Variants in NRG3 observed in about 807,000 individuals in gnomAD.
The protein encoded by NRG3 is pro-neuregulin-3, membrane-bound isoform.
Under a neutral mutation model 66.9 loss-of-function variants are expected in NRG3, and 31 were observed. The observed-to-expected ratio is 0.46, with a 90% confidence interval of 0.35 to 0.63. NRG3 has a LOEUF of 0.63. Ranked by LOEUF, NRG3 falls within the 20% of genes least tolerant of loss-of-function variation. The pLI is 0.00. For missense variants in NRG3, 910 were observed against 878.9 expected, an observed-to-expected ratio of 1.04 and a Z score of -0.45; for synonymous variants, 393 against 359.4, an observed-to-expected ratio of 1.09 and a Z score of -1.06.
intron 1 of NRG3, among the ~76,000 whole-genome samples, chr10:82,152,459 T>C (rs1440257141): frequency 1.3e-5 from 2 of 152,164 alleles, no homozygotes; most frequent in African/African-American, 4.8e-5. Flanking sequence ...AGCAAATTGA[T>C]GACAGATCTG....
intron 2 of NRG3, among the ~76,000 whole-genome samples, chr10:82,441,242 A>C (rs1405228460): frequency 6.6e-6 from 1 of 152,248 alleles, no homozygotes; most frequent in East Asian, 1.9e-4. Flanking sequence ...AAAACAAACA[A>C]AAAATGTCAA....
chr10:82,751,269 G>A (rs79642569), intron 3 of NRG3, among the ~76,000 whole-genome samples: 13,084 of 152,114 alleles, frequency 0.086, 1,756 homozygotes, highest in African/African-American at 0.29. Context: ...GAGAATTAAG[G>A]TGGAATTGAT....
intron 1 of NRG3, among the ~76,000 whole-genome samples, chr10:82,113,067 G>A (rs1227433645): frequency 6.6e-6 from 1 of 152,176 alleles, no homozygotes; most frequent in Non-Finnish European, 1.5e-5. Context: ...GATTTTGACA[G>A]AATTGAAGAC....
chr10:82,573,676 C>A lies in NRG3; in HGVS notation c.954-164901C>A, dbSNP rs114736938. On this transcript the variant is annotated intron_variant, in intron 2 of 8. Coordinates refer to ENST00000372141, the MANE Select transcript of NRG3 (RefSeq NM_001010848.4). Reference sequence around the variant, plus strand: ...AGATTAGAAGTATCCACAGATAAAGCACCCTTACCTTATGGAGTTCAAAGG... The same window carrying A: ...AGATTAGAAGTATCCACAGATAAAGAACCCTTACCTTATGGAGTTCAAAGG... Among the ~76,000 whole-genome samples the A allele has an allele frequency of 4.5e-3, 689 of 151,864 alleles. 5 individuals are homozygous for A. The highest frequency in any genetic ancestry group is 0.016 in the African/African-American group (653 of 41,498).
At chr10:82,750,883 T>C (rs563942947) in intron 3 of NRG3, among the ~76,000 whole-genome samples, 1 of 152,252 alleles carries the variant, frequency 6.6e-6, no homozygotes, top group South Asian at 2.1e-4. Context: ...ATTAATATCT[T>C]CATTAAGTGT....
chr10:82,801,281 C>T (rs927534087), intron 3 of NRG3, among the ~76,000 whole-genome samples: 49 of 152,130 alleles, frequency 3.2e-4, no homozygotes, highest in African/African-American at 4.1e-4. Flanking sequence ...TCCATGGTAT[C>T]GGGATCAGTA....
At chr10:82,930,373 C>T (rs1222206231) in intron 4 of NRG3, among the ~76,000 whole-genome samples, 2 of 152,176 alleles carry the variant, frequency 1.3e-5, no homozygotes, top group African/African-American at 4.8e-5. Context: ...AATTTATAAA[C>T]AGGACTATCT....
intron 2 of NRG3, among the ~76,000 whole-genome samples, chr10:82,367,261 T>C (rs1564844320): frequency 1.3e-5 from 2 of 152,168 alleles, no homozygotes; most frequent in Non-Finnish European, 2.9e-5. Context: ...TGAATGTCAA[T>C]TGGAAGTTGT....
At chr10:82,175,477 ACAT>A (rs1310664316) in intron 1 of NRG3, among the ~76,000 whole-genome samples, 3 of 152,156 alleles carry the variant, frequency 2.0e-5, no homozygotes. Context: ...AATGCTGAAT[ACAT>A]CATGTCTGTG....
At chr10:82,816,594 C>T (rs1181144233) in intron 3 of NRG3, among the ~76,000 whole-genome samples, 3 of 152,198 alleles carry the variant, frequency 2.0e-5, no homozygotes, top group Admixed American at 2.0e-4. Context: ...GCCGTGGACT[C>T]CACCTGGAAT....
At chr10:82,263,140 A>G (rs1369909622) in intron 1 of NRG3, among the ~76,000 whole-genome samples, 1 of 152,234 alleles carries the variant, frequency 6.6e-6, no homozygotes, top group Non-Finnish European at 1.5e-5. Flanking sequence ...CTGGGGACTT[A>G]ATAAAGCAAT....
intron 2 of NRG3, among the ~76,000 whole-genome samples, chr10:82,736,760 A>G (rs1305186360): frequency 6.6e-6 from 1 of 152,248 alleles, no homozygotes; most frequent in African/African-American, 2.4e-5. Context: ...AAAAAGCAAA[A>G]CAAAAACAAA....
At chr10:82,502,893 G>A (rs1844329488) in intron 2 of NRG3, among the ~76,000 whole-genome samples, 1 of 152,164 alleles carries the variant, frequency 6.6e-6, no homozygotes, top group Non-Finnish European at 1.5e-5. Context: ...TATGTGAAAT[G>A]CACATATTTT....
At chr10:82,508,676 C>G (rs769472858) in intron 2 of NRG3, among the ~76,000 whole-genome samples, 4 of 152,158 alleles carry the variant, frequency 2.6e-5, no homozygotes, top group Non-Finnish European at 5.9e-5. Context: ...GACTTGAATT[C>G]AAAGCATAGA....
At chr10:82,465,817 C>T (rs1438022438) in intron 2 of NRG3, among the ~76,000 whole-genome samples, 1 of 152,124 alleles carries the variant, frequency 6.6e-6, no homozygotes, top group Non-Finnish European at 1.5e-5. Context: ...GGGCCTTTTT[C>T]AATACCTTTA....
intron 6 of NRG3, among the ~76,000 whole-genome samples, chr10:82,967,117 C>T (rs1851284512): frequency 6.7e-6 from 1 of 149,580 alleles, no homozygotes; most frequent in Non-Finnish European, 1.5e-5. Context: ...TTGGCCTTCT[C>T]AACAGACAGA....
chr10:82,026,637 TG>T (rs112394865), intron 1 of NRG3, among the ~76,000 whole-genome samples: 2,751 of 152,092 alleles, frequency 0.018, 103 homozygotes, highest in East Asian at 0.14. Context: ...TAAATTTTTT[TG>T]TGTGGATTTT....
At position 82,579,684 on chromosome 10, in the gene NRG3, T is replaced by G. The variant is rs559281798; in HGVS notation, c.954-158893T>G. On this transcript the variant is annotated intron_variant, in intron 2 of 8. Transcript: ENST00000372141. ...TTAACTTCTTGCTTCAACTCCATGTTGTAGCAACAAACATTTCCCCATAAT... is the reference window on the plus strand; with the variant it reads ...TTAACTTCTTGCTTCAACTCCATGTGGTAGCAACAAACATTTCCCCATAAT... Among the ~76,000 whole-genome samples, 6 of 152,120 alleles carry G rather than the reference T, an allele frequency of 3.9e-5. No individual in the cohort carries two copies. In the South Asian group the frequency reaches 1.2e-3, roughly 32 times the overall value.
At chr10:82,174,084 A>T (rs918400539) in intron 1 of NRG3, among the ~76,000 whole-genome samples, 2 of 152,146 alleles carry the variant, frequency 1.3e-5, no homozygotes, top group Non-Finnish European at 2.9e-5. Context: ...TCCCCAAGTC[A>T]TTCAAAATTA....
Sources: allele counts gnomAD v4.1 joint callset (sites outside exome capture counted in the v4.1 genomes callset), GRCh38; gene constraint gnomAD v4.1.1; transcripts MANE v1.5; gene names NCBI Gene and HGNC (gene_info 2026-07-23, HGNC 2026-07-21).